The following GRIN2A variants were observed in gnomAD, a reference collection of about 807,000 sequenced individuals.
The protein encoded by GRIN2A is glutamate ionotropic receptor NMDA type subunit 2A.
Under a neutral mutation model 113.4 loss-of-function variants are expected in GRIN2A, and 22 were observed. The ratio of observed to expected loss-of-function variants is 0.19; its 90% CI spans 0.14 to 0.28. GRIN2A has a LOEUF of 0.28. Ranked by LOEUF, GRIN2A falls within the 10% of genes least tolerant of loss-of-function variation. The probability of loss-of-function intolerance (pLI) is 1.00; values close to 1 mark genes in which losing one functional copy is unlikely to be tolerated. For synonymous variants in GRIN2A, 827 were observed against 738.4 expected (o/e 1.12, Z -1.94); for missense variants, 1,502 against 1,887.0 (o/e 0.80, Z 3.78).
intron 3 of GRIN2A, among the ~76,000 whole-genome samples, chr16:9,927,259 G>A (rs188153517): frequency 6.6e-6 from 1 of 152,290 alleles, no homozygotes; most frequent in African/African-American, 2.4e-5. Flanking sequence ...GAGTAGGTCT[G>A]GTTTGATTTA....
At chr16:10,130,708 ACT>A (rs1478998312) in intron 2 of GRIN2A, among the ~76,000 whole-genome samples, 2 of 151,392 alleles carry the variant, frequency 1.3e-5, no homozygotes, top group African/African-American at 4.8e-5. Context: ...AACCCAGGGG[ACT>A]CTCTCTCTCC....
At chr16:9,980,843 TG>T (rs2045878563) in intron 2 of GRIN2A, among the ~76,000 whole-genome samples, 1 of 30,088 alleles carries the variant, frequency 3.3e-5, no homozygotes. Flanking sequence ...TGTTGTGGGG[TG>T]GGGGGAGGGG....
chr16:9,846,235 G>A (rs974895891), intron 5 of GRIN2A, among the ~76,000 whole-genome samples: 6 of 152,204 alleles, frequency 3.9e-5, no homozygotes, highest in African/African-American at 9.6e-5. Context: ...GTGGAGGCTG[G>A]GGGACTGCTT....
chr16:9,931,634 G>GT lies in GRIN2A; in HGVS notation c.1007+6324dup, dbSNP rs561222702. Among the ~76,000 whole-genome samples, 668 of 152,204 alleles carry GT rather than the reference G, an allele frequency of 4.4e-3. 4 individuals are homozygous for GT. Among genetic ancestry groups the GT allele is most frequent in the Non-Finnish European group, 7.3e-3 (494 of 68,018 alleles). The stretch of plus-strand genomic sequence containing the variant: ...CCCAAGGTAATCCTTTGGTAAGAGG[G>GT]TTTTGGTCTGAAAAACATCCACCCT... On this transcript the variant is annotated intron_variant, in intron 3 of 12. Transcript: ENST00000330684.
chr16:10,140,730 A>C (rs957525590), intron 2 of GRIN2A, among the ~76,000 whole-genome samples: 2 of 152,112 alleles, frequency 1.3e-5, no homozygotes, highest in African/African-American at 4.8e-5. Flanking sequence ...GCAAGTGAGG[A>C]AGAGGAGTCC....
intron 2 of GRIN2A, among the ~76,000 whole-genome samples, chr16:10,109,828 G>T (rs1345524176): frequency 6.6e-6 from 1 of 151,970 alleles, no homozygotes; most frequent in African/African-American, 2.4e-5. Context: ...TTGCATGCCT[G>T]TATTAAAACA....
chr16:10,105,119 C>T (rs891072785), intron 2 of GRIN2A, among the ~76,000 whole-genome samples: 4 of 150,270 alleles, frequency 2.7e-5, no homozygotes. Flanking sequence ...AGAGTTCATC[C>T]CGAGTCTTCT....
At position 9,764,650 on chromosome 16, in the gene GRIN2A, G is replaced by A. The variant is rs886042323; in HGVS notation, c.2894C>T (p.Thr965Ile). The stretch of plus-strand genomic sequence containing the variant: ...ATCCTTCTGCCGGTTGGCCACAAAT[G>A]TTTGGAGTTCGTTCATGTTGTCTCC... ...IFGDNMNELQTFVANRQKDNL... is the reference protein window; with the variant it reads ...IFGDNMNELQIFVANRQKDNL... Residue 965 changes from threonine to isoleucine, a missense_variant, in exon 13 of 13, where the codon ACA becomes ATA. Physicochemically the swap from Thr to Ile is moderately conservative, Grantham distance 89. Transcript: ENST00000330684. The A allele has an allele frequency of 6.2e-7, 1 of 1,614,140 alleles. No individual in the cohort carries two copies. Among genetic ancestry groups the A allele is most frequent in the Admixed American group, 1.7e-5 (1 of 60,030 alleles).
intron 2 of GRIN2A, among the ~76,000 whole-genome samples, chr16:9,949,704 G>A (rs937011679): frequency 6.7e-6 from 1 of 149,944 alleles, no homozygotes; most frequent in African/African-American, 2.5e-5. Flanking sequence ...TGGATGGGTG[G>A]TTGGATGGAT....
chr16:10,132,390 G>T (rs761621619), intron 2 of GRIN2A, among the ~76,000 whole-genome samples: 1 of 138,564 alleles, frequency 7.2e-6, no homozygotes, highest in Non-Finnish European at 1.6e-5. Context: ...AGTAAACTCA[G>T]CCAGTAATGG....
chr16:9,860,131 G>T (rs910006975), intron 4 of GRIN2A, among the ~76,000 whole-genome samples: 6 of 151,950 alleles, frequency 3.9e-5, no homozygotes, highest in Non-Finnish European at 5.9e-5. Flanking sequence ...ATCTGGAAGA[G>T]AATCCAAAAA....
At chr16:9,778,861 TC>T (rs1249286234) in intron 11 of GRIN2A, among the ~76,000 whole-genome samples, 2 of 152,100 alleles carry the variant, frequency 1.3e-5, no homozygotes, top group Admixed American at 6.5e-5. Flanking sequence ...CCTTGTAGTC[TC>T]CCCGAGGGAA....
intron 5 of GRIN2A, among the ~76,000 whole-genome samples, chr16:9,845,099 T>C (rs570594998): frequency 2.0e-5 from 3 of 152,152 alleles, no homozygotes; most frequent in African/African-American, 4.8e-5. Context: ...CAATTCTCTA[T>C]TGCTCTCACG....
chr16:10,061,688 G>C (rs908812205), intron 2 of GRIN2A, among the ~76,000 whole-genome samples: 2 of 152,150 alleles, frequency 1.3e-5, no homozygotes, highest in African/African-American at 4.8e-5. Context: ...ACTCTTAGAA[G>C]GTTAGTAGTG....
At chr16:10,052,410 T>A (rs545395247) in intron 2 of GRIN2A, among the ~76,000 whole-genome samples, 1 of 152,226 alleles carries the variant, frequency 6.6e-6, no homozygotes, top group African/African-American at 2.4e-5. Context: ...CTCCTTCCCA[T>A]GCTCACCCTA....
At chr16:9,906,203 C>T (rs1192460781) in intron 3 of GRIN2A, among the ~76,000 whole-genome samples, 1 of 152,166 alleles carries the variant, frequency 6.6e-6, no homozygotes, top group African/African-American at 2.4e-5. Flanking sequence ...CTTCTCAAAA[C>T]CCTGAAATGG....
intron 2 of GRIN2A, among the ~76,000 whole-genome samples, chr16:9,985,540 A>C (rs2045964677): frequency 6.6e-6 from 1 of 152,188 alleles, no homozygotes; most frequent in Non-Finnish European, 1.5e-5. Context: ...CATTTGCAAC[A>C]ATATGGATGG....
At chr16:9,960,209 T>C (rs2141700572) in intron 2 of GRIN2A, among the ~76,000 whole-genome samples, 1 of 152,332 alleles carries the variant, frequency 6.6e-6, no homozygotes, top group Non-Finnish European at 1.5e-5. Flanking sequence ...ATCAGTTGAA[T>C]AAATACTGAA....
chr16:10,072,321 G>A (rs1238310254), intron 2 of GRIN2A, among the ~76,000 whole-genome samples: 1 of 152,232 alleles, frequency 6.6e-6, no homozygotes, highest in Non-Finnish European at 1.5e-5. Context: ...GTTTATAAGA[G>A]TGAAGCATCA....
Sources: allele counts gnomAD v4.1 joint callset (sites outside exome capture counted in the v4.1 genomes callset), GRCh38; gene constraint gnomAD v4.1.1; transcripts MANE v1.5; gene names NCBI Gene and HGNC (gene_info 2026-07-23, HGNC 2026-07-21).